Variants in ZNF799 observed in about 807,000 individuals in gnomAD.
The protein encoded by ZNF799 is zinc finger protein 14.
A neutral mutation model predicts 41.0 loss-of-function variants in ZNF799; 28 were observed. The ratio of observed to expected loss-of-function variants is 0.68; its 90% CI spans 0.51 to 0.94. ZNF799 has a LOEUF of 0.94. Ranked by LOEUF, ZNF799 falls within the 40% of genes least tolerant of loss-of-function variation. The pLI, the probability that ZNF799 is intolerant of heterozygous loss-of-function variation, is 0.00. For missense variants in ZNF799, 716 were observed against 764.3 expected, an observed-to-expected ratio of 0.94 and a Z score of 0.74; for synonymous variants, 213 against 252.9, an observed-to-expected ratio of 0.84 and a Z score of 1.50.
chr19:12,408,772 G>T, the ZNF799 span, among the ~76,000 whole-genome samples: 1 of 152,124 alleles, frequency 6.6e-6, no homozygotes, highest in South Asian at 2.1e-4. Flanking sequence ...GGTGGCTCAC[G>T]CCTGTCATCC....
At chr19:12,401,567 T>C (rs1426639810), upstream of ZNF799, among the ~76,000 whole-genome samples, 3 of 9,272 alleles carry the variant, frequency 3.2e-4, no homozygotes, top group Non-Finnish European at 8.1e-4. Context: ...TTTTTTTTTT[T>C]CCGAGAGAGA....
the ZNF799 span, among the ~76,000 whole-genome samples, chr19:12,412,186 T>C: frequency 1.3e-5 from 2 of 152,114 alleles, no homozygotes; most frequent in African/African-American, 4.8e-5. Context: ...TTGCGCATAC[T>C]TCCTTTTAAA....
In ZNF799 at chr19:12,401,238, C is replaced by T. The variant is rs1469178787; in HGVS notation, c.-168G>A. On this transcript the variant is annotated 5_prime_UTR_variant, in exon 1 of 4. Transcript: ENST00000430385. ...GAGAAGACGCCGCGGGCTTTTTCAA[C>T]CACACACTCCTCTGGGAAGCGCGCC... 36 of 1,448,064 alleles carry T rather than the reference C, an allele frequency of 2.5e-5. No homozygotes were observed. The highest frequency in any genetic ancestry group is 3.7e-4 in the Middle Eastern group (2 of 5,464). 89.7% of individuals were successfully genotyped at this position (1,448,064 alleles called of 1,614,324 possible).
Position 12,401,151 on chromosome 19 carries a change from G to A in ZNF799, c.-81C>T, listed in dbSNP as rs1969978492. 6 of 1,609,958 alleles carry A rather than the reference G, an allele frequency of 3.7e-6. No individual in the cohort carries two copies. Among genetic ancestry groups the A allele is most frequent in the African/African-American group, 2.7e-5 (2 of 74,916 alleles). On this transcript the variant is annotated 5_prime_UTR_variant, in exon 1 of 4. Transcript: ENST00000430385. ...GTTCCCGCGGGACACAGGCTGCCAC[G>A]GAACTTCCAGGTCGTCTCTTAGCTA...
chr19:12,410,873 A>G, the ZNF799 span, among the ~76,000 whole-genome samples: 1 of 152,214 alleles, frequency 6.6e-6, no homozygotes, highest in Non-Finnish European at 1.5e-5. Context: ...AACTCACAAA[A>G]TTAGACCCAT....
At chr19:12,410,253 G>A in the ZNF799 span, among the ~76,000 whole-genome samples, 1 of 56,986 alleles carries the variant, frequency 1.8e-5, no homozygotes, top group Non-Finnish European at 3.4e-5. Context: ...ATGTCTGTGT[G>A]CATATATATA....
intron 1 of ZNF799, chr19:12,394,716 C>T (rs1242888367): frequency 3.0e-6 from 3 of 985,336 alleles, no homozygotes; most frequent in South Asian, 4.7e-5. Context: ...TGTCATCTCT[C>T]ATGAATATTT....
rs528725830 is a variant in ZNF799, at chr19:12,390,637, C to T, written c.1761G>A (p.Pro587=). The change falls in exon 4 of 4, where the codon CCG becomes CCA. Residue 587 remains proline (P), a synonymous_variant. Transcript: ENST00000430385. ...GHEKTHTGEN[P]YECKECGKAF... ...CTTTCCCACATTCCTTACATTCATA[C>T]GGGTTCTCTCCAGTATGAGTTTTTT... 1.1e-5 allele frequency: 18 copies of T among 1,613,390 alleles called. No individual in the cohort carries two copies. The highest frequency in any genetic ancestry group is 3.3e-5 in the South Asian group (3 of 91,038).
the ZNF799 span, among the ~76,000 whole-genome samples, chr19:12,411,639 C>T: frequency 6.6e-6 from 1 of 151,658 alleles, no homozygotes; most frequent in Admixed American, 6.6e-5. Context: ...GGCAGACTCT[C>T]ACTCACTCTG....
At chr19:12,410,031 C>T in the ZNF799 span, among the ~76,000 whole-genome samples, 1 of 151,898 alleles carries the variant, frequency 6.6e-6, no homozygotes, top group Admixed American at 6.6e-5. Context: ...ACCTGTAGTC[C>T]TAGATACTCG....
In ZNF799 at chr19:12,393,636, T is replaced by A. The variant is rs977814606; in HGVS notation, c.4-213A>T. 11 of 1,420,554 alleles carry A rather than the reference T, an allele frequency of 7.7e-6. 1 individual carries two copies. The highest frequency in any genetic ancestry group is 5.8e-5 in the Admixed American group (2 of 34,646). 88.0% of individuals were successfully genotyped at this position (1,420,554 alleles called of 1,614,324 possible). A position where few individuals can be genotyped will look rare whatever the true frequency, so the allele number is the denominator to read the frequency against. On this transcript the variant is annotated intron_variant, in intron 1 of 3. Transcript: ENST00000430385. ...CATGTTTGGTAAATTAACAGTGGGA[T>A]AGAAACATGCCACTTGTTGGCGAAC... is the stretch of plus-strand genomic sequence containing the variant.
At chr19:12,411,074 T>C in the ZNF799 span, among the ~76,000 whole-genome samples, 1 of 152,304 alleles carries the variant, frequency 6.6e-6, no homozygotes, top group East Asian at 1.9e-4. Context: ...AAGGCCAACA[T>C]TGCCCTTGCA....
chr19:12,399,875 A>G (rs1969951328), intron 1 of ZNF799, among the ~76,000 whole-genome samples: 1 of 152,066 alleles, frequency 6.6e-6, no homozygotes, highest in Admixed American at 6.5e-5. Context: ...GTCTGGAACT[A>G]CTAAGATTAA....
At chr19:12,401,009 T>A in intron 1 of ZNF799, 59 bp downstream of exon 1, 1 of 1,613,656 alleles carries the variant, frequency 6.2e-7, no homozygotes, top group Non-Finnish European at 8.5e-7. Flanking sequence ...CCACAGCCGA[T>A]TACTGCAGGT....
the ZNF799 span, among the ~76,000 whole-genome samples, chr19:12,406,357 G>A: frequency 1.3e-5 from 2 of 150,556 alleles, no homozygotes; most frequent in African/African-American, 4.9e-5. Context: ...GGTGGCAGGC[G>A]CCTGTAGTCC....
At chr19:12,409,810 G>A in the ZNF799 span, among the ~76,000 whole-genome samples, 2 of 152,134 alleles carry the variant, frequency 1.3e-5, no homozygotes, top group Non-Finnish European at 1.5e-5. Context: ...AAGACAAACC[G>A]AACTGTCAAG....
At chr19:12,404,255 A>G (rs998823951), upstream of ZNF799, among the ~76,000 whole-genome samples, 20 of 152,184 alleles carry the variant, frequency 1.3e-4, 1 homozygote, top group African/African-American at 1.2e-4. Flanking sequence ...GTAAATATCT[A>G]TTAGATCCAT....
chr19:12,398,945 T>A (rs1427664451), intron 1 of ZNF799, among the ~76,000 whole-genome samples: 1 of 152,170 alleles, frequency 6.6e-6, no homozygotes, highest in Non-Finnish European at 1.5e-5. Context: ...AGATTACATA[T>A]ACCATTTATA....
upstream of ZNF799, among the ~76,000 whole-genome samples, chr19:12,403,452 C>G (rs1280367490): frequency 1.3e-5 from 2 of 151,530 alleles, no homozygotes; most frequent in South Asian, 2.1e-4. Flanking sequence ...TTTATTATTT[C>G]TTTTCTACTA....
Sources: gnomAD v4.1 joint callset for allele counts (sites outside exome capture counted in the v4.1 genomes callset) on GRCh38, gnomAD v4.1.1 for gene constraint, MANE v1.5 for transcripts, NCBI Gene and HGNC (gene_info 2026-07-23, HGNC 2026-07-21) for gene names.